The following KCNQ5 variants were observed in gnomAD, a reference collection of about 807,000 sequenced individuals.
KCNQ5 encodes the protein potassium voltage-gated channel subfamily KQT member 5.
In KCNQ5, 30 loss-of-function variants were observed where a neutral mutation model predicts 98.2. That is an observed-to-expected ratio of 0.31 (90% CI 0.23 to 0.41). The LOEUF (loss-of-function observed/expected upper bound fraction) is 0.41, where lower values mean the gene tolerates loss of function less well. Among genes scored for constraint, KCNQ5 ranks in the 10% least tolerant of loss-of-function variants. The probability of loss-of-function intolerance (pLI) is 1.00; values close to 1 mark genes in which losing one functional copy is unlikely to be tolerated. For synonymous variants in KCNQ5, 458 were observed against 449.4 expected, an observed-to-expected ratio of 1.02 and a Z score of -0.24; for missense variants, 835 against 1,182.5, an observed-to-expected ratio of 0.71 and a Z score of 4.31.
At chr6:72,670,925 A>G (rs1225541176) in intron 1 of KCNQ5, among the ~76,000 whole-genome samples, 1 of 152,178 alleles carries the variant, frequency 6.6e-6, no homozygotes, top group Non-Finnish European at 1.5e-5. Context: ...CAAAGGCCCT[A>G]TCTCTAAATA....
chr6:73,082,947 T>G (rs1386869706), intron 5 of KCNQ5, among the ~76,000 whole-genome samples: 2 of 150,914 alleles, frequency 1.3e-5, no homozygotes, highest in Non-Finnish European at 3.0e-5. Flanking sequence ...TTGCAGTGCA[T>G]TGGTGCATTT....
At chr6:73,011,452 C>T (rs1391660259) in intron 2 of KCNQ5, among the ~76,000 whole-genome samples, 1 of 152,006 alleles carries the variant, frequency 6.6e-6, no homozygotes, top group Non-Finnish European at 1.5e-5. Flanking sequence ...AAGCTGGACC[C>T]TTACCTAAGA....
intron 1 of KCNQ5, among the ~76,000 whole-genome samples, chr6:72,849,003 T>C (rs149739015): frequency 1.3e-5 from 2 of 152,290 alleles, no homozygotes; most frequent in East Asian, 3.9e-4. Context: ...ACTAATATAA[T>C]GCCATATTTG....
chr6:72,721,623 C>G (rs75878320), intron 1 of KCNQ5, among the ~76,000 whole-genome samples: 89 of 152,212 alleles, frequency 5.8e-4, no homozygotes, highest in Non-Finnish European at 1.2e-3. Flanking sequence ...CATCACAGAT[C>G]CAGTGATGAA....
At chr6:72,737,256 G>A (rs1007051365) in intron 1 of KCNQ5, among the ~76,000 whole-genome samples, 19 of 152,078 alleles carry the variant, frequency 1.2e-4, no homozygotes, top group Non-Finnish European at 2.6e-4. Flanking sequence ...CACCAAGCCC[G>A]GTCAGGCTTC....
chr6:73,056,951 C>T (rs1772531835), intron 3 of KCNQ5, among the ~76,000 whole-genome samples: 2 of 151,830 alleles, frequency 1.3e-5, no homozygotes, highest in Non-Finnish European at 2.9e-5. Flanking sequence ...CTAGAAATAC[C>T]ATTTGACCCA....
At chr6:72,778,622 A>G (rs1228549359) in intron 1 of KCNQ5, among the ~76,000 whole-genome samples, 1 of 152,184 alleles carries the variant, frequency 6.6e-6, no homozygotes, top group Non-Finnish European at 1.5e-5. Flanking sequence ...AAAAAAAGGT[A>G]ACTATGTGAG....
At chr6:72,988,639 G>C (rs904408365) in intron 1 of KCNQ5, among the ~76,000 whole-genome samples, 5 of 131,516 alleles carry the variant, frequency 3.8e-5, no homozygotes, top group Non-Finnish European at 6.4e-5. Context: ...GGGAAAAAAA[G>C]CATGATTTTC....
chr6:72,713,896 A>G (rs1420502217), intron 1 of KCNQ5, among the ~76,000 whole-genome samples: 1 of 152,120 alleles, frequency 6.6e-6, no homozygotes, highest in Non-Finnish European at 1.5e-5. Context: ...AATCCTAAAT[A>G]CAGTCTACCT....
At chr6:72,782,769 C>G (rs1477834837) in intron 1 of KCNQ5, among the ~76,000 whole-genome samples, 1 of 151,902 alleles carries the variant, frequency 6.6e-6, no homozygotes, top group East Asian at 1.9e-4. Flanking sequence ...ACCTGGTTTT[C>G]TTATTTATTA....
chr6:73,004,045 T>C lies in KCNQ5; in HGVS notation c.489+47T>C, dbSNP rs762808062. ...ACGTACATGAATGTTGTATAAGAAC[T>C]GCCTATAACATTTATACTATGCATC... On this transcript the variant is annotated intron_variant, in intron 2 of 13. Coordinates refer to ENST00000370398, the MANE Select transcript of KCNQ5 (RefSeq NM_019842.4). The C allele has an allele frequency of 2.8e-6, 3 of 1,083,164 alleles. No individual in the cohort carries two copies. In the East Asian group the frequency reaches 7.1e-5, roughly 26 times the overall value. 67.1% of individuals were successfully genotyped at this position (1,083,164 alleles called of 1,614,324 possible).
chr6:72,755,195 A>T (rs954715522), intron 1 of KCNQ5, among the ~76,000 whole-genome samples: 8 of 151,790 alleles, frequency 5.3e-5, no homozygotes, highest in African/African-American at 1.9e-4. Context: ...ATATTTTTTC[A>T]TCCTTTAATT....
intron 1 of KCNQ5, among the ~76,000 whole-genome samples, chr6:72,734,687 G>C (rs1770733943): frequency 6.6e-6 from 1 of 152,010 alleles, no homozygotes; most frequent in Non-Finnish European, 1.5e-5. Context: ...AACTTTTATT[G>C]CAGTAGAGCC....
At chr6:72,861,750 T>A (rs1388542916) in intron 1 of KCNQ5, among the ~76,000 whole-genome samples, 1 of 151,970 alleles carries the variant, frequency 6.6e-6, no homozygotes, top group Admixed American at 6.6e-5. Flanking sequence ...GATATATGTT[T>A]CGGGCCCCAT....
chr6:72,753,842 G>T (rs1771817626), intron 1 of KCNQ5, among the ~76,000 whole-genome samples: 1 of 152,048 alleles, frequency 6.6e-6, no homozygotes, highest in Admixed American at 6.6e-5. Context: ...TATATTTAAT[G>T]AGATGGGTGT....
At chr6:72,855,616 A>C (rs1276548383) in intron 1 of KCNQ5, among the ~76,000 whole-genome samples, 1 of 152,210 alleles carries the variant, frequency 6.6e-6, no homozygotes, top group Non-Finnish European at 1.5e-5. Context: ...GGTTTAATGT[A>C]GTTTGGAAAG....
intron 1 of KCNQ5, among the ~76,000 whole-genome samples, chr6:72,686,956 T>C (rs1767988508): frequency 6.6e-6 from 1 of 152,084 alleles, no homozygotes; most frequent in South Asian, 2.1e-4. Context: ...TCTATATGAT[T>C]ATCTACTGAT....
At chr6:72,979,130 G>C (rs1768304372) in intron 1 of KCNQ5, among the ~76,000 whole-genome samples, 1 of 152,168 alleles carries the variant, frequency 6.6e-6, no homozygotes, top group Non-Finnish European at 1.5e-5. Flanking sequence ...TAGTGCCGCA[G>C]TAAACATACG....
At chr6:72,935,595 C>G (rs1765882056) in intron 1 of KCNQ5, among the ~76,000 whole-genome samples, 1 of 152,154 alleles carries the variant, frequency 6.6e-6, no homozygotes, top group Non-Finnish European at 1.5e-5. Flanking sequence ...AGCTTTTTGA[C>G]ATGATCTAAT....
Sources: gnomAD v4.1 joint callset for allele counts (sites outside exome capture counted in the v4.1 genomes callset) on GRCh38, gnomAD v4.1.1 for gene constraint, MANE v1.5 for transcripts, NCBI Gene and HGNC (gene_info 2026-07-23, HGNC 2026-07-21) for gene names.